Variants in EIF2AK1 observed in about 807,000 individuals in gnomAD.
EIF2AK1 encodes the protein eukaryotic translation initiation factor 2-alpha kinase 1.
EIF2AK1 carries 54 observed loss-of-function variants against 77.9 expected under a neutral mutation model. That is an observed-to-expected ratio of 0.69 (90% CI 0.56 to 0.87). The LOEUF (loss-of-function observed/expected upper bound fraction) is 0.87. EIF2AK1 is among the 40% of genes least tolerant of loss of function. EIF2AK1 has a pLI of 0.00. For missense variants in EIF2AK1, 810 were observed against 768.6 expected, an observed-to-expected ratio of 1.05 and a Z score of -0.64; for synonymous variants, 314 against 290.5, an observed-to-expected ratio of 1.08 and a Z score of -0.82.
chr7:6,034,324 A>G (rs545077665), intron 11 of EIF2AK1, among the ~76,000 whole-genome samples: 4 of 152,114 alleles, frequency 2.6e-5, no homozygotes, highest in Non-Finnish European at 4.4e-5. Flanking sequence ...TAATAATAAT[A>G]GAACTTCTTG....
Position 6,046,135 on chromosome 7 carries a change from T to C in EIF2AK1, c.566A>G (p.Asp189Gly). Reference protein sequence around the residue: ...GRVYKVRNKLDGQYYAIKKIL... With the variant: ...GRVYKVRNKLGGQYYAIKKIL... ...TTTTTTTATTGCATAATACTGACCA[T>C]CTAATTTATTCCTGACCTGAAAAGT... Residue 189 changes from aspartate (D) to glycine (G), a missense_variant, in exon 6 of 15, where the codon GAT (aspartate) becomes GGT (glycine). Asp to Gly is a moderately conservative substitution (Grantham distance 94). Coordinates refer to ENST00000199389, the MANE Select transcript of EIF2AK1 (RefSeq NM_014413.4). 1.3e-6 allele frequency: 2 copies of C among 1,553,246 alleles called. No individual in the cohort carries two copies. Among genetic ancestry groups the C allele is most frequent in the East Asian group, 2.3e-5 (1 of 42,852 alleles).
Position 6,023,942 on chromosome 7 carries a change from C to T in EIF2AK1, c.*731G>A, listed in dbSNP as rs1324097335. On this transcript the variant is annotated 3_prime_UTR_variant, in exon 15 of 15. Transcript: ENST00000199389. ...GGATTCAAAAACCAATTCATCAGATCGCTGCCTCTGAGGGATGTACAGATT... is the reference window on the plus strand; with the variant it reads ...GGATTCAAAAACCAATTCATCAGATTGCTGCCTCTGAGGGATGTACAGATT... 7 of 1,429,396 alleles carry T rather than the reference C, an allele frequency of 4.9e-6. No homozygotes were observed. The East Asian group carries it at 1.6e-4, about 33-fold the overall frequency. 88.5% of individuals were successfully genotyped at this position (1,429,396 alleles called of 1,614,324 possible).
chr7:6,037,508 G>C lies in EIF2AK1; in HGVS notation c.1248C>G (p.Ala416=), dbSNP rs1788141856. The change falls in exon 11 of 15, where the codon GCC becomes GCG. Residue 416 remains alanine, a synonymous_variant. Coordinates refer to ENST00000199389, the MANE Select transcript of EIF2AK1 (RefSeq NM_014413.4). ...VDESACPYVM[A]NVATKIFQEL... is the part of the protein sequence containing the mutation. Reference sequence around the variant, plus strand: ...CTTGAAAAATTTTTGTTGCAACATTGGCCATAACATAAGGACCTTGAAGTA... The same window carrying C: ...CTTGAAAAATTTTTGTTGCAACATTCGCCATAACATAAGGACCTTGAAGTA... The C allele has an allele frequency of 1.2e-6, 2 of 1,607,970 alleles. No homozygotes were observed. Among genetic ancestry groups the C allele is most frequent in the Non-Finnish European group, 1.7e-6 (2 of 1,176,478 alleles).
chr7:6,049,319 A>G (rs1788537165), intron 3 of EIF2AK1, among the ~76,000 whole-genome samples: 1 of 152,156 alleles, frequency 6.6e-6, no homozygotes, highest in Admixed American at 6.6e-5. Context: ...CAAGGCAGGC[A>G]CATCACGAGG....
At chr7:6,042,150 A>G (rs1788317056) in intron 8 of EIF2AK1, among the ~76,000 whole-genome samples, 1 of 152,078 alleles carries the variant, frequency 6.6e-6, no homozygotes, top group Non-Finnish European at 1.5e-5. Context: ...TCCTGTCTCA[A>G]CAAAAATAAT....
Position 6,048,859 on chromosome 7 carries a change from T to C in EIF2AK1, c.412-15A>G. ...TCACAAGGATCCTACAATTAAAAAA[T>C]TGTTTTTAAAAAGCATTTTGAAAAC... On this transcript the variant is annotated splice_polypyrimidine_tract_variant and intron_variant, in intron 3 of 14. Transcript: ENST00000199389. 6.4e-7 allele frequency: 1 copy of C among 1,568,650 alleles called. No individual in the cohort carries two copies. Among genetic ancestry groups the C allele is most frequent in the Admixed American group, 2.1e-5 (1 of 48,192 alleles).
intron 8 of EIF2AK1, 67 bp downstream of exon 8, chr7:6,042,866 C>CA (rs111857848): frequency 2.3e-4 from 335 of 1,426,712 alleles, no homozygotes; most frequent in African/African-American, 5.9e-4. Flanking sequence ...ACTCTGTCGC[C>CA]AAAAAAAAGA....
At chr7:6,031,949 G>T (rs558493905) in intron 11 of EIF2AK1, among the ~76,000 whole-genome samples, 1 of 152,318 alleles carries the variant, frequency 6.6e-6, no homozygotes, top group East Asian at 1.9e-4. Flanking sequence ...TGAGGTGGGT[G>T]GATCACCTGA....
intron 2 of EIF2AK1, among the ~76,000 whole-genome samples, 181 bp downstream of exon 2, chr7:6,054,365 G>A (rs983306556): frequency 1.3e-5 from 2 of 151,896 alleles, no homozygotes; most frequent in African/African-American, 2.4e-5. Context: ...CACAACACCC[G>A]GCTAATTTCC....
At chr7:6,057,240 C>CT (rs770330753) in intron 1 of EIF2AK1, among the ~76,000 whole-genome samples, 11 of 146,766 alleles carry the variant, frequency 7.5e-5, no homozygotes, top group African/African-American at 2.5e-4. Flanking sequence ...GACCCCATCT[C>CT]TTTAAGAAAA....
rs761037735 is a variant in EIF2AK1, at chr7:6,026,876, C to T, written c.1616G>A (p.Gly539Asp). 2 of 1,614,138 alleles carry T rather than the reference C, an allele frequency of 1.2e-6. No homozygotes were observed. The highest frequency in any genetic ancestry group is 3.3e-5 in the Admixed American group (2 of 60,010). ...TTCCGGCAACTGACCAGTTCTTAAA[C>T]CTGTTAGAACTTCTGCTCGCTCCAT... is the stretch of plus-strand genomic sequence containing the variant. ...TEMERAEVLT[G>D]LRTGQLPESL... The change falls in exon 14 of 15, where the codon GGT (glycine) becomes GAT (aspartate). Residue 539 changes from glycine (G) to aspartate (D), a missense_variant. Physicochemically the swap from Gly to Asp is moderately conservative, Grantham distance 94. Transcript: ENST00000199389.
In EIF2AK1 at chr7:6,035,362, C is replaced by T; in HGVS notation, c.1332+2062G>A. 7.8e-7 allele frequency: 1 copy of T among 1,274,098 alleles called. No individual in the cohort carries two copies. The highest frequency in any genetic ancestry group is 1.5e-5 in the African/African-American group (1 of 66,680). 78.9% of individuals were successfully genotyped at this position (1,274,098 alleles called of 1,614,324 possible). Reference sequence around the variant, plus strand: ...TGAAGGGTCTTACTTTAAATAAATACTGGCTTCTTAAGCATTAACTGTCCA... The same window carrying T: ...TGAAGGGTCTTACTTTAAATAAATATTGGCTTCTTAAGCATTAACTGTCCA... On this transcript the variant is annotated intron_variant, in intron 11 of 14. Transcript: ENST00000199389. The surrounding 1 kb of genome is among the most constrained non-coding windows in gnomAD (Gnocchi z 5.5).
chr7:6,031,626 AAGTC>A (rs1787915790), intron 11 of EIF2AK1: 2 of 1,544,558 alleles, frequency 1.3e-6, no homozygotes, highest in Non-Finnish European at 1.8e-6. Context: ...TTCTGGAAAA[AAGTC>A]AGGCTGCTTA....
At chr7:6,028,321 G>A (rs545035098) in intron 13 of EIF2AK1, among the ~76,000 whole-genome samples, 2 of 151,532 alleles carry the variant, frequency 1.3e-5, no homozygotes, top group South Asian at 2.1e-4. Flanking sequence ...GTGCAACCTC[G>A]GCTCACTGCA....
At chr7:6,025,763 G>C (rs35685642) in intron 14 of EIF2AK1, among the ~76,000 whole-genome samples, 1 of 151,956 alleles carries the variant, frequency 6.6e-6, no homozygotes, top group Non-Finnish European at 1.5e-5. Context: ...GCCTCCCAAG[G>C]AGGTGGGATT....
rs1354565061 is a variant in EIF2AK1 at position 6,054,573 on chromosome 7, G to A, written c.250C>T (p.Pro84Ser). ...TTAAACACCTGTCTTGAACGAAGTGGGTTTGGTTCATGCACGTGGCTCAAG... is the reference window on the plus strand; with the variant it reads ...TTAAACACCTGTCTTGAACGAAGTGAGTTTGGTTCATGCACGTGGCTCAAG... Reference protein sequence around the residue: ...EHLSHVHEPNPLRSRQVFKLL... With the variant: ...EHLSHVHEPNSLRSRQVFKLL... Residue 84 changes from proline (P) to serine (S), a missense_variant, in exon 2 of 15, where the codon CCA (proline) becomes TCA (serine). Coordinates refer to ENST00000199389, the MANE Select transcript of EIF2AK1 (RefSeq NM_014413.4). 4.3e-6 allele frequency: 7 copies of A among 1,613,982 alleles called. No homozygotes were observed. The African/African-American group carries it at 8.0e-5, about 18-fold the overall frequency.
At chr7:6,039,649 G>A (rs969162001) in intron 9 of EIF2AK1, among the ~76,000 whole-genome samples, 51 of 145,362 alleles carry the variant, frequency 3.5e-4, no homozygotes, top group Non-Finnish European at 2.1e-4. Flanking sequence ...AAAAGCACAG[G>A]CTTGGTAGGA....
In EIF2AK1 at chr7:6,024,151, T is replaced by C. The variant is rs146544549; in HGVS notation, c.*522A>G. 2.3e-6 allele frequency: 3 copies of C among 1,292,824 alleles called. No individual in the cohort carries two copies. The African/African-American group carries it at 4.5e-5, about 20-fold the overall frequency. 80.1% of individuals were successfully genotyped at this position (1,292,824 alleles called of 1,614,324 possible). On this transcript the variant is annotated 3_prime_UTR_variant, in exon 15 of 15. Coordinates refer to ENST00000199389, the MANE Select transcript of EIF2AK1 (RefSeq NM_014413.4). ...GAGAACAGATAAAAAGGTTGGAAGTTGCACACTGTACACTGTTAAGAAGTT... is the reference window on the plus strand; with the variant it reads ...GAGAACAGATAAAAAGGTTGGAAGTCGCACACTGTACACTGTTAAGAAGTT...
At chr7:6,056,856 A>G (rs1278938201) in intron 1 of EIF2AK1, among the ~76,000 whole-genome samples, 1 of 151,664 alleles carries the variant, frequency 6.6e-6, no homozygotes, top group African/African-American at 2.4e-5. Context: ...AACACTTTCT[A>G]TATTACTGAG....
Sources: allele counts gnomAD v4.1 joint callset (sites outside exome capture counted in the v4.1 genomes callset), GRCh38; gene constraint gnomAD v4.1.1; non-coding constraint Gnocchi (gnomAD v3.1); transcripts MANE v1.5; gene names NCBI Gene and HGNC (gene_info 2026-07-23, HGNC 2026-07-21).